The following ADGRL3 variants were observed in gnomAD, a reference collection of about 807,000 sequenced individuals.
ADGRL3 encodes adhesion G protein-coupled receptor L3.
ADGRL3 carries 62 observed loss-of-function variants against 153.5 expected under a neutral mutation model. The observed-to-expected ratio is 0.40, with a 90% confidence interval of 0.33 to 0.50. ADGRL3 has a LOEUF of 0.50. Ranked by LOEUF, ADGRL3 falls within the 20% of genes least tolerant of loss-of-function variation. The probability of loss-of-function intolerance (pLI) is 0.47; values close to 1 mark genes in which losing one functional copy is unlikely to be tolerated. For missense variants in ADGRL3, 1,641 were observed against 1,859.4 expected (o/e 0.88, Z 2.16); for synonymous variants, 710 against 672.5 (o/e 1.06, Z -0.86).
At chr4:61,480,680 G>T (rs1203473599) in intron 2 of ADGRL3, among the ~76,000 whole-genome samples, 1 of 152,080 alleles carries the variant, frequency 6.6e-6, no homozygotes, top group African/African-American at 2.4e-5. Flanking sequence ...CTACTCGGGA[G>T]ACTGAGGCAG....
intron 1 of ADGRL3, among the ~76,000 whole-genome samples, chr4:61,367,386 A>T (rs1357580093): frequency 3.7e-5 from 5 of 136,774 alleles, no homozygotes; most frequent in African/African-American, 1.4e-4. Context: ...ATCCCTCCCC[A>T]CTCCCCCCAC....
At chr4:61,795,216 C>A (rs2097395163) in intron 8 of ADGRL3, among the ~76,000 whole-genome samples, 1 of 152,168 alleles carries the variant, frequency 6.6e-6, no homozygotes. Flanking sequence ...CAACCTCGAA[C>A]TTCTAGGCTC....
At position 61,360,925 on chromosome 4, in the gene ADGRL3, A is replaced by C. The variant is rs186777645; in HGVS notation, c.-239-22199A>C. ...TCTGTGTTGTCTCACTTAGTCTTCA[A>C]AACAATACTGTGAGGTAGATACTAC... On this transcript the variant is annotated intron_variant, in intron 1 of 26. Transcript: ENST00000683033. 1.9e-3 allele frequency among the ~76,000 whole-genome samples: 289 copies of C among 152,302 alleles called. 3 individuals carry two copies. The highest frequency in any genetic ancestry group is 5.9e-4 in the Non-Finnish European group (40 of 68,028).
At chr4:61,423,358 C>T (rs932985170) in intron 2 of ADGRL3, among the ~76,000 whole-genome samples, 1 of 152,230 alleles carries the variant, frequency 6.6e-6, no homozygotes, top group Non-Finnish European at 1.5e-5. Flanking sequence ...TGGGCAAACC[C>T]AGAGGCCATG....
At chr4:62,008,850 A>T (rs1414837191) in intron 21 of ADGRL3, among the ~76,000 whole-genome samples, 1 of 152,112 alleles carries the variant, frequency 6.6e-6, no homozygotes, top group African/African-American at 2.4e-5. Flanking sequence ...TGACAATCGC[A>T]TGTATGATGG....
At chr4:61,577,086 G>GACAAA (rs377465041) in intron 4 of ADGRL3, among the ~76,000 whole-genome samples, 10 of 151,680 alleles carry the variant, frequency 6.6e-5, no homozygotes, top group Admixed American at 4.6e-4. Flanking sequence ...TTTCCCTAGG[G>GACAAA]ACAAAACAAA....
intron 4 of ADGRL3, among the ~76,000 whole-genome samples, chr4:61,559,834 T>G (rs946242796): frequency 6.6e-6 from 1 of 152,090 alleles, no homozygotes; most frequent in Admixed American, 6.6e-5. Context: ...TTAATTCTCG[T>G]GTTATATATG....
intron 3 of ADGRL3, among the ~76,000 whole-genome samples, chr4:61,514,711 A>G (rs1236327012): frequency 2.0e-5 from 3 of 152,128 alleles, no homozygotes; most frequent in Non-Finnish European, 4.4e-5. Flanking sequence ...TTTTCAATTT[A>G]CAGTCAAAGT....
intron 8 of ADGRL3, among the ~76,000 whole-genome samples, chr4:61,735,454 T>C (rs1197019700): frequency 1.3e-5 from 2 of 152,230 alleles, no homozygotes; most frequent in African/African-American, 2.4e-5. Context: ...GACTCACCGC[T>C]GTACAGGTAA....
At chr4:61,643,198 T>C (rs1560985636) in intron 5 of ADGRL3, among the ~76,000 whole-genome samples, 1 of 152,056 alleles carries the variant, frequency 6.6e-6, no homozygotes, top group African/African-American at 2.4e-5. Flanking sequence ...GCTGAGACAA[T>C]GGGGTTTTCT....
intron 8 of ADGRL3, among the ~76,000 whole-genome samples, chr4:61,804,159 A>T (rs888655147): frequency 2.0e-5 from 3 of 152,162 alleles, no homozygotes; most frequent in African/African-American, 7.2e-5. Flanking sequence ...GAGAATATCC[A>T]TATTTTTTAA....
chr4:61,409,841 T>C (rs2097061683), intron 2 of ADGRL3, among the ~76,000 whole-genome samples: 1 of 152,068 alleles, frequency 6.6e-6, no homozygotes, highest in Non-Finnish European at 1.5e-5. Flanking sequence ...GTGTTATCTT[T>C]ATATTTTCAA....
chr4:61,984,017 CA>C (rs2099077251), intron 19 of ADGRL3, among the ~76,000 whole-genome samples: 1 of 152,132 alleles, frequency 6.6e-6, no homozygotes, highest in South Asian at 2.1e-4. Flanking sequence ...ATGTCATCAA[CA>C]GAAAGAGTAT....
chr4:61,332,023 A>C (rs964849853), intron 1 of ADGRL3, among the ~76,000 whole-genome samples: 1 of 152,094 alleles, frequency 6.6e-6, no homozygotes, highest in Non-Finnish European at 1.5e-5. Flanking sequence ...ATTCCAAAAA[A>C]ATTTTAAATT....
At chr4:61,890,895 A>G (rs920745276) in intron 9 of ADGRL3, among the ~76,000 whole-genome samples, 8 of 151,976 alleles carry the variant, frequency 5.3e-5, no homozygotes, top group Non-Finnish European at 8.8e-5. Context: ...AAGTTACTCA[A>G]TTTTCTTTAT....
chr4:61,922,494 C>T (rs1294399171), intron 13 of ADGRL3, among the ~76,000 whole-genome samples: 3 of 151,900 alleles, frequency 2.0e-5, no homozygotes, highest in Non-Finnish European at 4.4e-5. Context: ...AACTGAAGTC[C>T]ACAGTTTACT....
chr4:61,428,546 T>C (rs958518954), intron 2 of ADGRL3, among the ~76,000 whole-genome samples: 1 of 152,194 alleles, frequency 6.6e-6, no homozygotes, highest in Non-Finnish European at 1.5e-5. Context: ...TATTCAAATA[T>C]TGAGAGACAG....
At chr4:61,693,835 T>C (rs906923422) in intron 6 of ADGRL3, among the ~76,000 whole-genome samples, 13 of 152,170 alleles carry the variant, frequency 8.5e-5, no homozygotes, top group Non-Finnish European at 1.9e-4. Flanking sequence ...TCTACAGTGA[T>C]ATGAAACAGA....
intron 9 of ADGRL3, among the ~76,000 whole-genome samples, chr4:61,828,474 T>G (rs1407364737): frequency 6.6e-6 from 1 of 152,182 alleles, no homozygotes; most frequent in Admixed American, 6.5e-5. Context: ...CTTCTGTTGT[T>G]TTCCCCTGTT....
Sources: allele counts gnomAD v4.1 joint callset (sites outside exome capture counted in the v4.1 genomes callset), GRCh38; gene constraint gnomAD v4.1.1; transcripts MANE v1.5; gene names NCBI Gene and HGNC (gene_info 2026-07-23, HGNC 2026-07-21).